The following ASH1L variants were observed in gnomAD, a reference collection of about 807,000 sequenced individuals.
ASH1L encodes ASH1 like histone lysine methyltransferase, also known as histone-lysine N-methyltransferase ASH1L.
ASH1L carries 23 observed loss-of-function variants against 269.0 expected under a neutral mutation model. That is an observed-to-expected ratio of 0.09 (90% CI 0.06 to 0.12). The LOEUF (loss-of-function observed/expected upper bound fraction) is 0.12. ASH1L is among the 10% of genes least tolerant of loss of function. The probability of loss-of-function intolerance (pLI) is 1.00; values close to 1 mark genes in which losing one functional copy is unlikely to be tolerated. For missense variants in ASH1L, 2,912 were observed against 3,567.8 expected (o/e 0.82, Z 4.68); for synonymous variants, 1,187 against 1,253.5 (o/e 0.95, Z 1.12).
At chr1:155,393,183 A>ACCTTGT (rs1658087111) in intron 7 of ASH1L, among the ~76,000 whole-genome samples, 1 of 152,244 alleles carries the variant, frequency 6.6e-6, no homozygotes, top group African/African-American at 2.4e-5. Flanking sequence ...TGAGAATTAA[A>ACCTTGT]CCTTGTAACT....
rs1035332665 is a variant in ASH1L, at chr1:155,397,547, CTTCA to C, written c.6009-1998_6009-1995del. Among the ~76,000 whole-genome samples the C allele has an allele frequency of 1.5e-4, 23 of 151,676 alleles. No homozygotes were observed. In the South Asian group the frequency reaches 2.5e-3, roughly 17 times the overall value. On this transcript the variant is annotated intron_variant, in intron 6 of 27. Coordinates refer to ENST00000392403, the MANE Select transcript of ASH1L (RefSeq NM_018489.3). The stretch of plus-strand genomic sequence containing the variant: ...AGATTGCCATCATTATGAAGACAAC[CTTCA>C]TTTATTTATTTTTTTCTTGAGACAG...
intron 12 of ASH1L, among the ~76,000 whole-genome samples, chr1:155,367,905 C>T (rs1372904945): frequency 6.6e-6 from 1 of 152,142 alleles, no homozygotes; most frequent in Non-Finnish European, 1.5e-5. Context: ...ATGGAACACA[C>T]TGGCCTATAT....
At chr1:155,360,220 A>C (rs1654825062) in intron 13 of ASH1L, 81 bp downstream of exon 13, 1 of 973,142 alleles carries the variant, frequency 1.0e-6, no homozygotes, top group South Asian at 1.4e-5. Context: ...CTCCAAGTCA[A>C]TCATGTTTAC....
intron 4 of ASH1L, among the ~76,000 whole-genome samples, chr1:155,444,044 C>T (rs531374403): frequency 1.5e-5 from 2 of 133,150 alleles, no homozygotes; most frequent in Admixed American, 1.8e-4. Flanking sequence ...AGGGCAGTGG[C>T]GTGATCTTGG....
chr1:155,542,567 T>A (rs1004592134), intron 1 of ASH1L, among the ~76,000 whole-genome samples: 3 of 151,530 alleles, frequency 2.0e-5, no homozygotes, highest in Non-Finnish European at 2.9e-5. Flanking sequence ...AAATAAATAA[T>A]TACATTTTGG....
At position 155,347,848 on chromosome 1, in the gene ASH1L, G is replaced by A; in HGVS notation, c.7611C>T (p.Ala2537=). The change falls in exon 20 of 28, where the codon GCC becomes GCT. Residue 2537 remains alanine (A), a synonymous_variant. Transcript: ENST00000392403. The part of the protein sequence containing the change: ...VGRDVCRLRK[A]YYNARHEASA... ...ATGCCTCATGCCGGGCATTGTAATA[G>A]GCCTTTCGTAGACGACAAACATCTC... 2 of 1,614,180 alleles carry A rather than the reference G, an allele frequency of 1.2e-6. No individual in the cohort carries two copies. Among genetic ancestry groups the A allele is most frequent in the Non-Finnish European group, 1.7e-6 (2 of 1,180,026 alleles).
rs1202927805 is a variant in ASH1L, at chr1:155,545,158, G to A, written c.-100+16995C>T. On this transcript the variant is annotated intron_variant, in intron 1 of 27. Coordinates refer to ENST00000392403, the MANE Select transcript of ASH1L (RefSeq NM_018489.3). The stretch of plus-strand genomic sequence containing the variant: ...TTGCACTCCAGCCTGGGCAAGAAGA[G>A]CAAAACTCCATCTCACCAAAAAAAA... 6.0e-5 allele frequency among the ~76,000 whole-genome samples: 3 copies of A among 50,386 alleles called. No homozygotes were observed. The Admixed American group carries it at 1.1e-3, about 18-fold the overall frequency. The allele number at this position is 50,386 out of a possible 152,430, so 33.1% of individuals were successfully genotyped here.
In ASH1L at chr1:155,479,020, C is replaced by T; in HGVS notation, c.3850G>A (p.Asp1284Asn). Residue 1284 changes from aspartate to asparagine, a missense_variant, in exon 3 of 28, where the codon GAT becomes AAT. Physicochemically the swap from Asp to Asn is conservative, Grantham distance 23. Coordinates refer to ENST00000392403, the MANE Select transcript of ASH1L (RefSeq NM_018489.3). ...TCCAGCTCTGCAATAAAGTCTGGAT[C>T]CTGTCTATTTCGAAGCTGGGGATAT... is the stretch of plus-strand genomic sequence containing the variant. The part of the protein sequence containing the change: ...KKYPQLRNRQ[D>N]PDFIAELEEL... 2 of 1,613,734 alleles carry T rather than the reference C, an allele frequency of 1.2e-6. No individual in the cohort carries two copies. The highest frequency in any genetic ancestry group is 1.7e-6 in the Non-Finnish European group (2 of 1,180,010).
Position 155,357,576 on chromosome 1 carries a change from A to G in ASH1L, c.6960+9T>C. ...AGCTTTTGGGGAAAGTCATTAGATA[A>G]TTATTCACCCTTTTCTTCAGCTTGT... On this transcript the variant is annotated intron_variant, in intron 14 of 27. Coordinates refer to ENST00000392403, the MANE Select transcript of ASH1L (RefSeq NM_018489.3). 1 of 1,613,796 alleles carries G rather than the reference A, an allele frequency of 6.2e-7. No individual in the cohort carries two copies. The highest frequency in any genetic ancestry group is 8.5e-7 in the Non-Finnish European group (1 of 1,179,886).
chr1:155,438,426 T>A lies in ASH1L; in HGVS notation c.5729A>T (p.His1910Leu), dbSNP rs1404300189. The change falls in exon 5 of 28, where the codon CAT (histidine) becomes CTT (leucine). Residue 1910 changes from histidine to leucine, a missense_variant. Physicochemically the swap from His to Leu is moderately conservative, Grantham distance 99. Coordinates refer to ENST00000392403, the MANE Select transcript of ASH1L (RefSeq NM_018489.3). ...ACCTTTTCTCTTCAACCCCTTTTTA[T>A]GTTCTGGGTTCAGATTTACACTCTG... ...VVQSVNLNPE[H>L]KKGLKRKGWL... 1.2e-6 allele frequency: 2 copies of A among 1,613,436 alleles called. No individual in the cohort carries two copies. The highest frequency in any genetic ancestry group is 2.7e-5 in the African/African-American group (2 of 74,916).
rs369777430 is a variant in ASH1L at position 155,350,697 on chromosome 1, C to T, written c.7367-1101G>A. Among the ~76,000 whole-genome samples the T allele has an allele frequency of 3.1e-3, 474 of 152,120 alleles. 26 individuals are homozygous for T. The South Asian group carries it at 0.091, about 29-fold the overall frequency. ...CAGCACTTTGAGAGGTCAAGGCGGG[C>T]AGATCATGAGGTCAGGAGATCAAGA... is the stretch of plus-strand genomic sequence containing the variant. On this transcript the variant is annotated intron_variant, in intron 17 of 27. Transcript: ENST00000392403.
At chr1:155,421,044 C>T (rs376053928) in intron 5 of ASH1L, among the ~76,000 whole-genome samples, 4 of 150,270 alleles carry the variant, frequency 2.7e-5, no homozygotes, top group East Asian at 2.0e-4. Context: ...GGAGACCAAC[C>T]GAGGCAACAT....
At chr1:155,528,474 T>A (rs1669426512) in intron 1 of ASH1L, among the ~76,000 whole-genome samples, 1 of 152,054 alleles carries the variant, frequency 6.6e-6, no homozygotes, top group African/African-American at 2.4e-5. Context: ...TTTAAAGGAA[T>A]TGCTCACATG....
In ASH1L at chr1:155,416,954, C is replaced by T. The variant is rs541843548; in HGVS notation, c.5829-1031G>A. Among the ~76,000 whole-genome samples the T allele has an allele frequency of 3.8e-5, 5 of 130,346 alleles. No individual in the cohort carries two copies. The South Asian group carries it at 8.3e-4, about 22-fold the overall frequency. The allele number at this position is 130,346 out of a possible 152,430, so 85.5% of individuals were successfully genotyped here. The stretch of plus-strand genomic sequence containing the variant: ...TCTTTTTTTTTTTTCTTTTTTGAGA[C>T]GGAGACTTGCTCTGTCTCCCAGGCT... On this transcript the variant is annotated intron_variant, in intron 5 of 27. Transcript: ENST00000392403.
intron 2 of ASH1L, among the ~76,000 whole-genome samples, chr1:155,507,188 G>A (rs1338521093): frequency 6.6e-6 from 1 of 151,380 alleles, no homozygotes; most frequent in African/African-American, 2.4e-5. Flanking sequence ...GCTGAGGCAG[G>A]AGAATCGCTT....
At position 155,338,231 on chromosome 1, in the gene ASH1L, G is replaced by A. The variant is rs201581290; in HGVS notation, c.8661C>T (p.Asn2887=). 1.4e-5 allele frequency: 22 copies of A among 1,613,872 alleles called. No homozygotes were observed. The highest frequency in any genetic ancestry group is 1.1e-4 in the East Asian group (5 of 44,876). The change falls in exon 27 of 28, where the codon AAC becomes AAT. Residue 2887 remains asparagine, a synonymous_variant. Transcript: ENST00000392403. ...EEPEREGATA[N]VSEGEKKTEE... is the part of the protein sequence containing the mutation. ...CTGTTTTTTTTTCACCCTCACTGACGTTAGCAGTGGCCCCTTCCCGTTCTG... is the reference window on the plus strand; with the variant it reads ...CTGTTTTTTTTTCACCCTCACTGACATTAGCAGTGGCCCCTTCCCGTTCTG...
intron 5 of ASH1L, among the ~76,000 whole-genome samples, chr1:155,416,566 C>T (rs960121868): frequency 8.1e-5 from 12 of 148,372 alleles, no homozygotes; most frequent in African/African-American, 2.2e-4. Flanking sequence ...GATGGAGTCT[C>T]GCTCTGTTGC....
At chr1:155,447,175 G>A (rs1663102687) in intron 4 of ASH1L, among the ~76,000 whole-genome samples, 1 of 152,172 alleles carries the variant, frequency 6.6e-6, no homozygotes, top group South Asian at 2.1e-4. Flanking sequence ...TGTTAGGTTA[G>A]CTGTAGGTTT....
intron 15 of ASH1L, among the ~76,000 whole-genome samples, 153 bp downstream of exon 15, chr1:155,357,163 T>C (rs1003206021): frequency 7.1e-6 from 1 of 140,324 alleles, no homozygotes; most frequent in Non-Finnish European, 1.5e-5. Context: ...AAAAAAAGAT[T>C]GTATTTCTTC....
Sources: allele counts gnomAD v4.1 joint callset (sites outside exome capture counted in the v4.1 genomes callset), GRCh38; gene constraint gnomAD v4.1.1; transcripts MANE v1.5; gene names NCBI Gene and HGNC (gene_info 2026-07-23, HGNC 2026-07-21).